SUMF1: variants seen among roughly 807,000 people sequenced by gnomAD.
SUMF1 encodes the protein sulfatase modifying factor 1, also known as formylglycine-generating enzyme.
SUMF1 carries 48 observed loss-of-function variants against 47.6 expected under a neutral mutation model. The ratio of observed to expected loss-of-function variants is 1.01; its 90% CI spans 0.80 to 1.28. The LOEUF is 1.28. Among genes scored for constraint, SUMF1 ranks in the 50% most tolerant of loss-of-function variants. The probability of loss-of-function intolerance (pLI) is 0.00; values close to 1 mark genes in which losing one functional copy is unlikely to be tolerated. For synonymous variants in SUMF1, 230 were observed against 192.1 expected (o/e 1.20, Z -1.63); for missense variants, 571 against 485.4 (o/e 1.18, Z -1.66).
intron 8 of SUMF1, among the ~76,000 whole-genome samples, chr3:4,201,845 T>G (rs1328552108): frequency 6.6e-6 from 1 of 152,056 alleles, no homozygotes; most frequent in African/African-American, 2.4e-5. Flanking sequence ...GATATCCCAT[T>G]GTAATTTTAA....
intron 8 of SUMF1, among the ~76,000 whole-genome samples, chr3:4,121,057 CAG>C (rs1693529839): frequency 6.6e-6 from 1 of 152,104 alleles, no homozygotes; most frequent in South Asian, 2.1e-4. Flanking sequence ...AACACTGGAC[CAG>C]ACTTCAGACC....
chr3:4,137,642 A>G (rs1693971687), intron 8 of SUMF1, among the ~76,000 whole-genome samples: 1 of 152,212 alleles, frequency 6.6e-6, no homozygotes, highest in South Asian at 2.1e-4. Context: ...CAAACAAACA[A>G]GAAATGGAAG....
At chr3:4,332,543 A>G (rs1462409001) in intron 8 of SUMF1, among the ~76,000 whole-genome samples, 2 of 152,232 alleles carry the variant, frequency 1.3e-5, no homozygotes, top group Non-Finnish European at 2.9e-5. Context: ...CATTAAAACA[A>G]TGGTAAATGT....
chr3:4,303,861 T>TC, intron 8 of SUMF1: 2 of 1,312,854 alleles, frequency 1.5e-6, no homozygotes, highest in Non-Finnish European at 2.0e-6. Context: ...CTCAGGTGTC[T>TC]CTCACAGGTA....
chr3:4,421,729 C>T (rs1701903939), intron 3 of SUMF1, among the ~76,000 whole-genome samples: 1 of 152,170 alleles, frequency 6.6e-6, no homozygotes. Flanking sequence ...GTGATCCCTG[C>T]CCAACTTGGC....
At chr3:4,251,208 G>C (rs1344840034) in intron 8 of SUMF1, among the ~76,000 whole-genome samples, 2 of 152,182 alleles carry the variant, frequency 1.3e-5, no homozygotes, top group South Asian at 2.1e-4. Context: ...ATTTTGTGAA[G>C]TCCAAGACTT....
At position 4,258,247 on chromosome 3, in the gene SUMF1, A is replaced by C. The variant is rs1393404176; in HGVS notation, c.1014+118083T>G. Reference sequence around the variant, plus strand: ...ACACCAAAAGCAATGGCAACAAAAGACAAAATTGACAAATGGGATCTAATT... The same window carrying C: ...ACACCAAAAGCAATGGCAACAAAAGCCAAAATTGACAAATGGGATCTAATT... On this transcript the variant is annotated intron_variant and NMD_transcript_variant, in intron 8 of 12. Transcript: ENST00000448413. Among the ~76,000 whole-genome samples, 28 of 148,778 alleles carry C rather than the reference A, an allele frequency of 1.9e-4. No individual in the cohort carries two copies. In the East Asian group the frequency reaches 2.9e-3, roughly 15 times the overall value.
intron 8 of SUMF1, among the ~76,000 whole-genome samples, chr3:4,257,650 T>A (rs1470671401): frequency 1.3e-5 from 2 of 148,630 alleles, no homozygotes; most frequent in African/African-American, 4.9e-5. Flanking sequence ...TGCTCATGGG[T>A]AGGAAGAATC....
At chr3:4,095,599 T>C (rs1692883591) in intron 8 of SUMF1, among the ~76,000 whole-genome samples, 1 of 152,130 alleles carries the variant, frequency 6.6e-6, no homozygotes, top group Non-Finnish European at 1.5e-5. Context: ...AAATGAGATA[T>C]GACCAGCAGC....
intron 8 of SUMF1, among the ~76,000 whole-genome samples, chr3:4,153,466 T>C (rs776335989): frequency 3.3e-5 from 5 of 151,290 alleles, no homozygotes; most frequent in Non-Finnish European, 7.4e-5. Context: ...TCCTCCCATG[T>C]TGGCTTCCCA....
chr3:4,201,258 C>T (rs974733547), intron 8 of SUMF1, among the ~76,000 whole-genome samples: 3 of 151,980 alleles, frequency 2.0e-5, no homozygotes, highest in African/African-American at 4.8e-5. Context: ...TATTTTTGTA[C>T]TCATTAACCA....
chr3:4,271,791 C>G (rs1051066189), intron 8 of SUMF1, among the ~76,000 whole-genome samples: 1 of 152,064 alleles, frequency 6.6e-6, no homozygotes, highest in African/African-American at 2.4e-5. Context: ...AATGAGCCAA[C>G]CTGGTCTATG....
intron 8 of SUMF1, chr3:4,314,446 A>C (rs1698554249): frequency 6.6e-6 from 1 of 152,396 alleles, no homozygotes; most frequent in Non-Finnish European, 1.5e-5. Context: ...GATCAAGGAA[A>C]AAGGCATTAT....
intron 8 of SUMF1, among the ~76,000 whole-genome samples, chr3:4,125,908 C>T (rs537189326): frequency 1.1e-4 from 16 of 152,126 alleles, no homozygotes; most frequent in African/African-American, 3.9e-4. Context: ...AACTTCTGGG[C>T]TCAAGTGATC....
intron 8 of SUMF1, among the ~76,000 whole-genome samples, chr3:4,177,980 G>C (rs1695004388): frequency 6.6e-6 from 1 of 152,116 alleles, no homozygotes; most frequent in African/African-American, 2.4e-5. Flanking sequence ...ACCTGCTGAA[G>C]ACTAAACCAG....
intron 9 of SUMF1, among the ~76,000 whole-genome samples, chr3:4,064,726 C>A (rs1226509635): frequency 6.6e-6 from 1 of 152,104 alleles, no homozygotes; most frequent in African/African-American, 2.4e-5. Flanking sequence ...CAGTGGGGAA[C>A]TCAGGAATTG....
chr3:4,410,961 G>A lies in SUMF1; in HGVS notation c.858C>T (p.Pro286=). 1 of 1,614,006 alleles carries A rather than the reference G, an allele frequency of 6.2e-7. No individual in the cohort carries two copies. The highest frequency in any genetic ancestry group is 1.7e-4 in the Middle Eastern group (1 of 6,060). The stretch of plus-strand genomic sequence containing the variant: ...CTATGTTGTATAAGCCATAACCATT[G>A]GGAGGGAAGGCATCAACCTAAAAAC... The part of the protein sequence containing the change: ...QGTAPVDAFP[P]NGYGLYNIVG... The change falls in exon 7 of 9, where the codon CCC becomes CCT. Residue 286 remains proline (P), a synonymous_variant. Coordinates refer to ENST00000272902, the MANE Select transcript of SUMF1 (RefSeq NM_182760.4).
intron 8 of SUMF1, among the ~76,000 whole-genome samples, chr3:4,300,516 C>A (rs143449322): frequency 7.5e-4 from 113 of 151,552 alleles, no homozygotes; most frequent in African/African-American, 2.6e-3. Context: ...TCATGAATAG[C>A]ACATTTATAA....
chr3:4,279,058 G>GA (rs1559645363), intron 8 of SUMF1, among the ~76,000 whole-genome samples: 4 of 152,030 alleles, frequency 2.6e-5, no homozygotes, highest in Admixed American at 2.6e-4. Flanking sequence ...CAAAGGATTG[G>GA]AAAATTTTTT....
Sources: allele counts gnomAD v4.1 joint callset (sites outside exome capture counted in the v4.1 genomes callset), GRCh38; gene constraint gnomAD v4.1.1; transcripts MANE v1.5; gene names NCBI Gene and HGNC (gene_info 2026-07-23, HGNC 2026-07-21).